C3orf22: variants seen among roughly 807,000 people sequenced by gnomAD.
C3orf22 encodes chromosome 3 open reading frame 22.
A neutral mutation model predicts 10.8 loss-of-function variants in C3orf22; 7 were observed. That is an observed-to-expected ratio of 0.65 (90% CI 0.37 to 1.22). The LOEUF (loss-of-function observed/expected upper bound fraction) is 1.22, where lower values mean the gene tolerates loss of function less well. C3orf22 is among the 50% of genes most tolerant of loss of function. The pLI is 0.02. For synonymous variants in C3orf22, 79 were observed against 78.9 expected (o/e 1.00, Z 0.00); for missense variants, 173 against 177.0 (o/e 0.98, Z 0.13).
In C3orf22 at chr3:126,557,676, G is replaced by A. The variant is rs530230155; in HGVS notation, c.-41+951C>T. On this transcript the variant is annotated intron_variant, in intron 1 of 3. Coordinates refer to ENST00000318225, the MANE Select transcript of C3orf22 (RefSeq NM_152533.3). The stretch of plus-strand genomic sequence containing the variant: ...GCCAGAACACACCCGCTCACCCACC[G>A]CCTCCGTGCCCCATCTCTGACTCTG... 1.1e-3 allele frequency among the ~76,000 whole-genome samples: 172 copies of A among 152,308 alleles called. No individual in the cohort carries two copies. The Middle Eastern group carries it at 0.041, about 36-fold the overall frequency.
chr3:126,531,249 T>A lies in C3orf22; in HGVS notation c.287-1877A>T, dbSNP rs570159958. Among the ~76,000 whole-genome samples, 212 of 152,230 alleles carry A rather than the reference T, an allele frequency of 1.4e-3. 1 individual carries two copies. The highest frequency in any genetic ancestry group is 2.5e-3 in the Non-Finnish European group (167 of 68,008). Reference sequence around the variant, plus strand: ...GAAACTCTAGAGGTGGGGCCCGGGATTCTTGAGTTTAATGGGCCCCACACA... The same window carrying A: ...GAAACTCTAGAGGTGGGGCCCGGGAATCTTGAGTTTAATGGGCCCCACACA... On this transcript the variant is annotated intron_variant and NMD_transcript_variant, in intron 4 of 5. Coordinates refer to the C3orf22 transcript ENST00000505070.
intron 4 of C3orf22, among the ~76,000 whole-genome samples, chr3:126,541,291 T>G (rs1205320653): frequency 6.6e-6 from 1 of 152,180 alleles, no homozygotes; most frequent in Non-Finnish European, 1.5e-5. Context: ...AGCCCATTTA[T>G]TATTGAGCCA....
intron 4 of C3orf22, among the ~76,000 whole-genome samples, chr3:126,537,482 G>C (rs1474533632): frequency 2.0e-5 from 3 of 152,196 alleles, no homozygotes. Context: ...GTAGGTGGCT[G>C]CTCCCCAAAT....
chr3:126,533,710 G>T (rs554994853), intron 4 of C3orf22, among the ~76,000 whole-genome samples: 2 of 152,022 alleles, frequency 1.3e-5, no homozygotes, highest in African/African-American at 4.8e-5. Context: ...TGTCTGGTTT[G>T]GTCATCTAGA....
chr3:126,529,233 T>G (rs1024083344), exon 5 of C3orf22: 11 of 1,037,422 alleles, frequency 1.1e-5, no homozygotes, highest in Non-Finnish European at 1.4e-5. Context: ...ACCCGGTATC[T>G]TGATTGGCAG....
chr3:126,528,999 GC>G, intron 5 of C3orf22: 2 of 335,040 alleles, frequency 6.0e-6, no homozygotes, highest in South Asian at 4.4e-5. Context: ...GGGCCTGGCT[GC>G]CCTGCTTATC....
chr3:126,555,129 TG>T (rs1937296055), intron 1 of C3orf22, among the ~76,000 whole-genome samples: 1 of 152,230 alleles, frequency 6.6e-6, no homozygotes, highest in Non-Finnish European at 1.5e-5. Flanking sequence ...GCTGCTTCCC[TG>T]GGTGTGGTTC....
chr3:126,532,975 T>C (rs576180761), intron 4 of C3orf22, among the ~76,000 whole-genome samples: 100 of 152,356 alleles, frequency 6.6e-4, no homozygotes, highest in Non-Finnish European at 8.2e-4. Flanking sequence ...ACAGGTCTTA[T>C]ACTTCCTTTG....
chr3:126,554,358 G>A (rs1937276675), intron 1 of C3orf22, among the ~76,000 whole-genome samples: 1 of 149,024 alleles, frequency 6.7e-6, no homozygotes, highest in African/African-American at 2.5e-5. Context: ...CTGCCTCCCA[G>A]ATTCAAGCAA....
chr3:126,530,336 G>A (rs1936629643), intron 4 of C3orf22, among the ~76,000 whole-genome samples: 1 of 152,276 alleles, frequency 6.6e-6, no homozygotes, highest in Non-Finnish European at 1.5e-5. Context: ...CCAGCAGGCT[G>A]TGGTCTGGCC....
intron 4 of C3orf22, among the ~76,000 whole-genome samples, chr3:126,529,796 C>A (rs1194228507): frequency 6.6e-6 from 1 of 152,230 alleles, no homozygotes; most frequent in Non-Finnish European, 1.5e-5. Context: ...CCCCTGTCTC[C>A]CTAACCTCCT....
At position 126,542,470 on chromosome 3, in the gene C3orf22, C is replaced by T. The variant is rs116054348; in HGVS notation, c.286+7067G>A. On this transcript the variant is annotated intron_variant and NMD_transcript_variant, in intron 4 of 5. Transcript: ENST00000505070. ...CCGCCTCCCGCGACCTGGCAGCGCG[C>T]CTCTTCCGGGACATCAGCCCCTTCT... The T allele has an allele frequency of 1.7e-3, 2,667 of 1,580,204 alleles. 46 individuals carry two copies. The African/African-American group carries it at 0.032, about 19-fold the overall frequency.
At chr3:126,534,361 G>A (rs1311803806) in intron 4 of C3orf22, among the ~76,000 whole-genome samples, 3 of 152,156 alleles carry the variant, frequency 2.0e-5, no homozygotes, top group African/African-American at 7.2e-5. Flanking sequence ...ACTTATAATA[G>A]TTCTAGGAAA....
intron 4 of C3orf22, among the ~76,000 whole-genome samples, chr3:126,532,442 T>C (rs1936678984): frequency 6.6e-6 from 1 of 152,186 alleles, no homozygotes. Context: ...AGTTAGTTTT[T>C]GTATGTGGTA....
intron 4 of C3orf22, among the ~76,000 whole-genome samples, chr3:126,534,675 G>C (rs1006516552): frequency 8.1e-5 from 12 of 148,680 alleles, no homozygotes; most frequent in African/African-American, 3.0e-4. Context: ...GCTGTCCTCA[G>C]CCGGGAGACA....
chr3:126,553,307 C>G lies in C3orf22; in HGVS notation c.84G>C (p.Pro28=), dbSNP rs112901554. 6.2e-7 allele frequency: 1 copy of G among 1,612,888 alleles called. No individual in the cohort carries two copies. The highest frequency in any genetic ancestry group is 1.7e-5 in the Admixed American group (1 of 60,004). The change falls in exon 2 of 4, where the codon CCG becomes CCC. Residue 28 remains proline (P), a synonymous_variant. Coordinates refer to ENST00000318225, the MANE Select transcript of C3orf22 (RefSeq NM_152533.3). ...GAGGTGTCAGCCTCCCGCACCTGTA[C>G]GGAAACTTCTTGGCAAAATTCTCCT... ...QAQENFAKKF[P]YRLSWLTEPD...
At chr3:126,541,922 C>T (rs989840123) in intron 4 of C3orf22, 3 of 1,596,728 alleles carry the variant, frequency 1.9e-6, no homozygotes, top group African/African-American at 1.4e-5. Context: ...GAAGCGCGTG[C>T]TGCTGGCGCT....
intron 4 of C3orf22, among the ~76,000 whole-genome samples, chr3:126,538,411 T>C (rs1338973487): frequency 1.3e-5 from 2 of 152,134 alleles, no homozygotes; most frequent in Non-Finnish European, 2.9e-5. Context: ...TTCCTGGGAG[T>C]CATCTGGCTA....
At chr3:126,548,655 T>C (rs1177292987), downstream of C3orf22, among the ~76,000 whole-genome samples, 4 of 152,290 alleles carry the variant, frequency 2.6e-5, no homozygotes, top group Admixed American at 2.0e-4. Flanking sequence ...TGCCTGGACC[T>C]GGGGTCCCAC....
Sources: gnomAD v4.1 joint callset for allele counts (sites outside exome capture counted in the v4.1 genomes callset) on GRCh38, gnomAD v4.1.1 for gene constraint, MANE v1.5 for transcripts, NCBI Gene and HGNC (gene_info 2026-07-23, HGNC 2026-07-21) for gene names.